Variants in ARHGEF10L observed in about 807,000 individuals in gnomAD.
The protein encoded by ARHGEF10L is Rho guanine nucleotide exchange factor 10 like.
Under a neutral mutation model 141.2 loss-of-function variants are expected in ARHGEF10L, and 69 were observed. The observed-to-expected ratio is 0.49, with a 90% CI of 0.40 to 0.60. The LOEUF (loss-of-function observed/expected upper bound fraction) is 0.60. Among genes scored for constraint, ARHGEF10L ranks in the 20% least tolerant of loss-of-function variants. The pLI is 0.00. For missense variants in ARHGEF10L, 1,482 were observed against 1,734.3 expected (o/e 0.85, Z 2.58); for synonymous variants, 711 against 718.5 (o/e 0.99, Z 0.17).
intron 26 of ARHGEF10L, among the ~76,000 whole-genome samples, chr1:17,675,849 T>G (rs2063644521): frequency 6.7e-6 from 1 of 148,976 alleles, no homozygotes; most frequent in Non-Finnish European, 1.5e-5. Flanking sequence ...CAGGTGTGGG[T>G]GCAGGTGTGG....
chr1:17,566,403 A>C (rs985120222), intron 1 of ARHGEF10L, among the ~76,000 whole-genome samples: 2 of 152,260 alleles, frequency 1.3e-5, no homozygotes, highest in African/African-American at 4.8e-5. Context: ...TAAAGCTGTA[A>C]CTATAAATCA....
At chr1:17,588,519 A>G in intron 4 of ARHGEF10L, 40 bp downstream of exon 4, 2 of 1,613,144 alleles carry the variant, frequency 1.2e-6, no homozygotes, top group Non-Finnish European at 1.7e-6. Flanking sequence ...GGTTGGAAAC[A>G]GGGAGACACC....
At chr1:17,626,144 T>G in intron 14 of ARHGEF10L, 96 bp downstream of exon 14, 1 of 1,076,032 alleles carries the variant, frequency 9.3e-7, no homozygotes, top group Non-Finnish European at 1.4e-6. Flanking sequence ...TGGGCTCTTG[T>G]CCGTGATCCA....
intron 2 of ARHGEF10L, among the ~76,000 whole-genome samples, chr1:17,582,624 G>C (rs546934824): frequency 2.4e-4 from 37 of 152,334 alleles, no homozygotes; most frequent in African/African-American, 7.2e-4. Flanking sequence ...CGCTTTAGTT[G>C]GAGCTTGTCA....
chr1:17,570,947 G>A (rs1023952919), intron 1 of ARHGEF10L, among the ~76,000 whole-genome samples: 1 of 152,092 alleles, frequency 6.6e-6, no homozygotes, highest in African/African-American at 2.4e-5. Context: ...GGAGGAGCAG[G>A]GTTCTTTGTT....
chr1:17,590,510 A>T (rs2079439057), intron 4 of ARHGEF10L, among the ~76,000 whole-genome samples: 1 of 152,142 alleles, frequency 6.6e-6, no homozygotes, highest in Admixed American at 6.5e-5. Flanking sequence ...GTGTCTCTCC[A>T]CCAGCAGTTG....
chr1:17,521,546 T>C, the ARHGEF10L span, among the ~76,000 whole-genome samples: 1 of 152,256 alleles, frequency 6.6e-6, no homozygotes, highest in African/African-American at 2.4e-5. Flanking sequence ...TACTGGGCAC[T>C]TACTTCATGG....
At chr1:17,651,400 A>C (rs1303430312) in intron 22 of ARHGEF10L, among the ~76,000 whole-genome samples, 1 of 152,194 alleles carries the variant, frequency 6.6e-6, no homozygotes. Flanking sequence ...ATCAGGGCCC[A>C]CTGTGCCTGC....
Position 17,621,746 on chromosome 1 carries a change from A to AGGGATG in ARHGEF10L, c.943-116_943-115insGATGGG. On this transcript the variant is annotated intron_variant, in intron 10 of 28. Transcript: ENST00000361221. This position sits in a 1 kb window ranked among gnomAD's most constrained non-coding sequence, Gnocchi z 4.1. ...AGTGGCCACCAGGCCCAGTGGTCCC[A>AGGGATG]GGTGGGACCTGGGAGGGATGGGTTT... 1 of 887,270 alleles carries AGGGATG rather than the reference A, an allele frequency of 1.1e-6. No homozygotes were observed. Among genetic ancestry groups the AGGGATG allele is most frequent in the Non-Finnish European group, 1.9e-6 (1 of 540,132 alleles). 55.0% of individuals were successfully genotyped at this position (887,270 alleles called of 1,614,324 possible).
chr1:17,676,755 G>A (rs2063750473), intron 26 of ARHGEF10L, among the ~76,000 whole-genome samples: 1 of 151,938 alleles, frequency 6.6e-6, no homozygotes, highest in South Asian at 2.1e-4. Flanking sequence ...CCCTTCTCCA[G>A]CCACTGGACA....
rs371197948 is a variant in ARHGEF10L, at chr1:17,664,604, C to T, written c.3009+9C>T. ...CCACCCTGCAGCCTCAGGTACTGCA[C>T]TATCCTTTGGCTTGTGGCCCTGGAG... On this transcript the variant is annotated intron_variant, in intron 26 of 28. Coordinates refer to ENST00000361221, the MANE Select transcript of ARHGEF10L (RefSeq NM_018125.4). 68 of 1,549,428 alleles carry T rather than the reference C, an allele frequency of 4.4e-5. No individual in the cohort carries two copies. In the African/African-American group the frequency reaches 8.1e-4, roughly 18 times the overall value.
Position 17,623,198 on chromosome 1 carries a change from C to T in ARHGEF10L, c.1200+23C>T, listed in dbSNP as rs151187458. The T allele has an allele frequency of 2.3e-4, 372 of 1,606,936 alleles. 4 individuals are homozygous for T. In the East Asian group the frequency reaches 8.1e-3, roughly 35 times the overall value. ...TCGGTAAGTGTCCCCAAACTTTTTC[C>T]CCAGCCCACCAAGGTAAAACCACAA... On this transcript the variant is annotated intron_variant, in intron 12 of 28. Coordinates refer to ENST00000361221, the MANE Select transcript of ARHGEF10L (RefSeq NM_018125.4). The surrounding 1 kb of genome is among the most constrained non-coding windows in gnomAD (Gnocchi z 4.7).
At chr1:17,560,640 AC>A (rs1309438498) in intron 1 of ARHGEF10L, among the ~76,000 whole-genome samples, 1 of 152,224 alleles carries the variant, frequency 6.6e-6, no homozygotes, top group African/African-American at 2.4e-5. Flanking sequence ...ATCTCGGCTC[AC>A]CACAACCTCT....
intron 25 of ARHGEF10L, among the ~76,000 whole-genome samples, chr1:17,659,564 C>A (rs940011222): frequency 6.6e-6 from 1 of 152,254 alleles, no homozygotes; most frequent in Admixed American, 6.5e-5. Context: ...GGGCTTGGAA[C>A]TGCACCCGCA....
intron 21 of ARHGEF10L, among the ~76,000 whole-genome samples, chr1:17,647,029 G>A (rs974747100): frequency 2.0e-5 from 3 of 152,090 alleles, no homozygotes; most frequent in African/African-American, 4.8e-5. Flanking sequence ...GGGGGCCCCA[G>A]TGTGGCTGGC....
intron 22 of ARHGEF10L, among the ~76,000 whole-genome samples, chr1:17,649,812 G>A (rs1225751077): frequency 6.6e-6 from 1 of 152,288 alleles, no homozygotes; most frequent in Admixed American, 6.5e-5. Context: ...ACTGAATGGC[G>A]AGAAGGATTC....
intron 1 of ARHGEF10L, among the ~76,000 whole-genome samples, chr1:17,563,937 T>C (rs78494855): frequency 0.061 from 9,229 of 152,198 alleles, 389 homozygotes; most frequent in Non-Finnish European, 0.098. Context: ...AACAGCTGGG[T>C]CAGTGCTGCA....
intron 2 of ARHGEF10L, 31 bp downstream of exon 2, chr1:17,580,663 A>C: frequency 6.2e-7 from 1 of 1,613,778 alleles, no homozygotes; most frequent in Non-Finnish European, 8.5e-7. Flanking sequence ...TGTCCCTCTC[A>C]TCCTTTCTTA....
intron 1 of ARHGEF10L, among the ~76,000 whole-genome samples, chr1:17,560,759 T>G (rs2077512925): frequency 6.6e-6 from 1 of 152,184 alleles, no homozygotes; most frequent in African/African-American, 2.4e-5. Context: ...GAGGTGGGGT[T>G]TCTCCATGTT....
Sources: allele counts gnomAD v4.1 joint callset (sites outside exome capture counted in the v4.1 genomes callset), GRCh38; gene constraint gnomAD v4.1.1; non-coding constraint Gnocchi (gnomAD v3.1); transcripts MANE v1.5; gene names NCBI Gene and HGNC (gene_info 2026-07-23, HGNC 2026-07-21).